SHROOM4: variants seen among roughly 807,000 people sequenced by gnomAD.
SHROOM4 encodes the protein shroom family member 4, also known as protein Shroom4.
Under a neutral mutation model 80.3 loss-of-function variants are expected in SHROOM4, and 17 were observed. The ratio of observed to expected loss-of-function variants is 0.21; its 90% CI spans 0.14 to 0.32. SHROOM4 has a LOEUF of 0.32. Ranked by LOEUF, SHROOM4 falls within the 10% of genes least tolerant of loss-of-function variation. The pLI is 1.00. For synonymous variants in SHROOM4, 400 were observed against 437.5 expected, an observed-to-expected ratio of 0.91 and a Z score of 1.07; for missense variants, 993 against 1,140.3, an observed-to-expected ratio of 0.87 and a Z score of 1.86.
chrX:50,678,340 A>G, intron 2 of SHROOM4, among the ~76,000 whole-genome samples: 1 of 111,447 alleles, frequency 9.0e-6, no homozygotes, highest in African/African-American at 3.3e-5. Flanking sequence ...CTTCAAATAT[A>G]GCTATATGCC....
Position 50,608,159 on chromosome X carries a change from A to C in SHROOM4, c.2983T>G (p.Phe995Val), listed in dbSNP as rs1929782492. Residue 995 changes from phenylalanine (F) to valine (V), a missense_variant, in exon 6 of 9, where the codon TTT becomes GTT. Physicochemically the swap from Phe to Val is conservative, Grantham distance 50. Transcript: ENST00000376020. ...GREMAHSKTSFSWATPFHPCL... is the reference protein window; with the variant it reads ...GREMAHSKTSVSWATPFHPCL... ...GGATGGAAAGGGGTTGCCCATGAAA[A>C]GCTAGTCTTGGAATGAGCCATTTCC... 3.0e-5 allele frequency: 36 copies of C among 1,211,925 alleles called. No individual in the cohort carries two copies. The highest frequency in any genetic ancestry group is 3.9e-5 in the Non-Finnish European group (35 of 895,599).
At chrX:50,653,823 T>A (rs782534133) in intron 2 of SHROOM4, among the ~76,000 whole-genome samples, 249 of 112,204 alleles carry the variant, frequency 2.2e-3, no homozygotes, top group Middle Eastern at 9.2e-3. Context: ...GAGATAATTA[T>A]GTGGTTTTTG....
At chrX:50,654,584 TATACA>T (rs1207025304) in intron 2 of SHROOM4, among the ~76,000 whole-genome samples, 2 of 110,597 alleles carry the variant, frequency 1.8e-5, no homozygotes, top group African/African-American at 3.3e-5. Flanking sequence ...GCAATTTAAG[TATACA>T]ATACATTATT....
intron 2 of SHROOM4, among the ~76,000 whole-genome samples, chrX:50,649,484 C>T (rs782334206): frequency 4.6e-4 from 51 of 111,835 alleles, no homozygotes; most frequent in Admixed American, 1.1e-3. Flanking sequence ...CAATGAAATG[C>T]CATTTTCAGT....
chrX:50,729,525 C>T (rs1934318178), intron 1 of SHROOM4, among the ~76,000 whole-genome samples: 1 of 111,005 alleles, frequency 9.0e-6, no homozygotes. Flanking sequence ...CACAAACATA[C>T]ATATATTACA....
chrX:50,681,514 G>T (rs1429618848), intron 2 of SHROOM4, among the ~76,000 whole-genome samples: 1 of 111,357 alleles, frequency 9.0e-6, no homozygotes, highest in Admixed American at 9.5e-5. Context: ...TCTTTATATG[G>T]CTGCCTCTTT....
At chrX:50,757,808 G>A (rs1172767528) in intron 1 of SHROOM4, among the ~76,000 whole-genome samples, 1 of 105,795 alleles carries the variant, frequency 9.5e-6, no homozygotes, top group African/African-American at 3.5e-5. Context: ...GGGTGACAGA[G>A]CAAGACTCCA....
chrX:50,584,079 C>T (rs5915183), downstream of SHROOM4, among the ~76,000 whole-genome samples: 266 of 111,866 alleles, frequency 2.4e-3, 1 homozygote, highest in Non-Finnish European at 3.3e-3. Flanking sequence ...AAAGGAGAAA[C>T]ATGTACCCAA....
intron 1 of SHROOM4, among the ~76,000 whole-genome samples, chrX:50,769,810 C>T (rs1292850043): frequency 9.0e-6 from 1 of 111,189 alleles, no homozygotes; most frequent in Non-Finnish European, 1.9e-5. Context: ...TAACAACGTA[C>T]TCTTGAAGGG....
chrX:50,716,340 A>G (rs1040752835), intron 1 of SHROOM4, among the ~76,000 whole-genome samples: 5 of 111,594 alleles, frequency 4.5e-5, no homozygotes, highest in East Asian at 2.8e-4. Flanking sequence ...AATCACAGAG[A>G]TTTTAAGTGT....
chrX:50,611,144 CTTTT>C lies in SHROOM4; in HGVS notation c.2958-2964_2958-2961del, dbSNP rs782473243. Among the ~76,000 whole-genome samples, 315 of 68,164 alleles carry C rather than the reference CTTTT, an allele frequency of 4.6e-3. 2 individuals carry two copies. The highest frequency in any genetic ancestry group is 0.019 in the African/African-American group (308 of 16,085). 59.2% of individuals were successfully genotyped at this position (68,164 alleles called of 115,157 possible). On this transcript the variant is annotated intron_variant, in intron 5 of 8. Transcript: ENST00000376020. ...AGTACAGACCATATTTTCTTTTTTT[CTTTT>C]TTTTTTTTTTTTTTTTTTGAGACGG...
At chrX:50,647,271 G>A (rs1400222083) in intron 2 of SHROOM4, among the ~76,000 whole-genome samples, 1 of 111,984 alleles carries the variant, frequency 8.9e-6, no homozygotes, top group African/African-American at 3.3e-5. Flanking sequence ...CAAAGAGGTG[G>A]ATAGTGAATA....
At chrX:50,664,490 C>T (rs1932626058) in intron 2 of SHROOM4, among the ~76,000 whole-genome samples, 1 of 111,501 alleles carries the variant, frequency 9.0e-6, no homozygotes, top group African/African-American at 3.3e-5. Context: ...TAAACTTGTA[C>T]CATAATGCAA....
chrX:50,623,934 T>C (rs782122691), intron 5 of SHROOM4, among the ~76,000 whole-genome samples: 6 of 102,298 alleles, frequency 5.9e-5, no homozygotes, highest in Non-Finnish European at 1.2e-4. Context: ...TATTGTGCGA[T>C]TAGAGTCATA....
intron 5 of SHROOM4, among the ~76,000 whole-genome samples, chrX:50,625,398 C>G (rs1313471601): frequency 1.8e-5 from 2 of 111,550 alleles, no homozygotes; most frequent in Non-Finnish European, 3.8e-5. Context: ...CCACATAATG[C>G]TTAGAGAGGA....
At chrX:50,766,413 A>C (rs1364480026) in intron 1 of SHROOM4, among the ~76,000 whole-genome samples, 1 of 111,826 alleles carries the variant, frequency 8.9e-6, no homozygotes, top group Admixed American at 9.5e-5. Flanking sequence ...TTAAAAAAAA[A>C]ACTTTCTTGT....
intron 5 of SHROOM4, among the ~76,000 whole-genome samples, chrX:50,618,891 G>C (rs782585328): frequency 9.3e-4 from 104 of 112,111 alleles, no homozygotes; most frequent in Non-Finnish European, 1.6e-3. Context: ...AGGGAAGCAG[G>C]GACTCCTGGG....
the SHROOM4 span, among the ~76,000 whole-genome samples, chrX:50,576,318 A>G: frequency 1.8e-5 from 2 of 111,531 alleles, no homozygotes; most frequent in Non-Finnish European, 3.8e-5. Flanking sequence ...CTGATATGTC[A>G]GGGTCAGGAG....
At chrX:50,732,470 C>T (rs1161177492) in intron 1 of SHROOM4, among the ~76,000 whole-genome samples, 1 of 111,213 alleles carries the variant, frequency 9.0e-6, no homozygotes, top group Non-Finnish European at 1.9e-5. Context: ...AATGGAAAAA[C>T]AATAGAAAAA....
Sources: gnomAD v4.1 joint callset for allele counts (sites outside exome capture counted in the v4.1 genomes callset) on GRCh38, gnomAD v4.1.1 for gene constraint, MANE v1.5 for transcripts, NCBI Gene and HGNC (gene_info 2026-07-23, HGNC 2026-07-21) for gene names.